Variants in IGSF10 observed in about 807,000 individuals in gnomAD.
The protein encoded by IGSF10 is calvaria mechanical force protein 608.
IGSF10 carries 126 observed loss-of-function variants against 128.2 expected under a neutral mutation model. The observed-to-expected ratio is 0.98, with a 90% CI of 0.85 to 1.14. The LOEUF is 1.14. Among genes scored for constraint, IGSF10 ranks in the 50% most tolerant of loss-of-function variants. The probability of loss-of-function intolerance (pLI) is 0.00; values close to 1 mark genes in which losing one functional copy is unlikely to be tolerated. For missense variants in IGSF10, 3,295 were observed against 3,149.8 expected (o/e 1.05, Z -1.10); for synonymous variants, 1,185 against 1,146.2 (o/e 1.03, Z -0.68).
chr3:151,472,733 G>A, the IGSF10 span, among the ~76,000 whole-genome samples: 1 of 152,134 alleles, frequency 6.6e-6, no homozygotes. Flanking sequence ...AATGCATTAT[G>A]CCAAAGTATA....
the IGSF10 span, among the ~76,000 whole-genome samples, chr3:151,536,229 C>A: frequency 6.6e-6 from 1 of 152,048 alleles, no homozygotes; most frequent in Admixed American, 6.6e-5. Flanking sequence ...CTGGATACTT[C>A]AAGAGGTCCC....
chr3:151,615,387 CTCT>C, the IGSF10 span, among the ~76,000 whole-genome samples: 7 of 151,908 alleles, frequency 4.6e-5, no homozygotes, highest in African/African-American at 1.7e-4. Flanking sequence ...TTTTAAATTT[CTCT>C]TATTACATAT....
In IGSF10 at chr3:151,443,182, G is replaced by GAA. The variant is rs752152190; in HGVS notation, c.5763_5764dup (p.Ser1922PhefsTer9). The GAA allele has an allele frequency of 6.2e-7, 1 of 1,614,066 alleles. No homozygotes were observed. Among genetic ancestry groups the GAA allele is most frequent in the Non-Finnish European group, 8.5e-7 (1 of 1,179,900 alleles). On this transcript the variant is annotated frameshift_variant, in exon 7 of 8. Coordinates refer to ENST00000282466, the MANE Select transcript of IGSF10 (RefSeq NM_178822.5). LOFTEE classifies it high-confidence loss of function. ...TACTACTCTTCGCTCCGAACCAGTGGAACTGGTAGCAATGCATTCATAAGT... is the reference window on the plus strand; with the variant it reads ...TACTACTCTTCGCTCCGAACCAGTGGAAAACTGGTAGCAATGCATTCATAAGT...
the IGSF10 span, among the ~76,000 whole-genome samples, chr3:151,581,033 A>T: frequency 6.6e-6 from 1 of 152,126 alleles, no homozygotes; most frequent in African/African-American, 2.4e-5. Context: ...AGAAAAAGCT[A>T]TTTTGTTGTA....
At chr3:151,574,175 G>A in the IGSF10 span, among the ~76,000 whole-genome samples, 1 of 152,166 alleles carries the variant, frequency 6.6e-6, no homozygotes, top group South Asian at 2.1e-4. Flanking sequence ...GAACCTTGTT[G>A]CACCTGACAA....
the IGSF10 span, among the ~76,000 whole-genome samples, chr3:151,580,106 G>C: frequency 6.6e-6 from 1 of 152,246 alleles, no homozygotes; most frequent in East Asian, 1.9e-4. Flanking sequence ...ACTGTGAGAG[G>C]CTGAGGTGGG....
rs1463479713 is a variant in IGSF10, at chr3:151,447,650, C to T, written c.2331G>A (p.Val777=). 3 of 1,613,990 alleles carry T rather than the reference C, an allele frequency of 1.9e-6. No homozygotes were observed. The highest frequency in any genetic ancestry group is 1.7e-5 in the Admixed American group (1 of 59,994). Residue 777 remains valine (V), a synonymous_variant, in exon 6 of 8, where the codon GTG becomes GTA. Transcript: ENST00000282466. Reference sequence around the variant, plus strand: ...GTTGGGTGACCACTGGGGGTGGGCTCACTGTGGTATTTTCTCGCTTGTCTG... The same window carrying T: ...GTTGGGTGACCACTGGGGGTGGGCTTACTGTGGTATTTTCTCGCTTGTCTG... ...AMPDKRENTT[V]SPPPVVTQLP...
the IGSF10 span, among the ~76,000 whole-genome samples, chr3:151,496,961 G>C: frequency 6.6e-6 from 1 of 152,056 alleles, no homozygotes; most frequent in Admixed American, 6.6e-5. Flanking sequence ...GTGTCTGTTG[G>C]CTGCATAAAT....
the IGSF10 span, among the ~76,000 whole-genome samples, chr3:151,540,077 C>T: frequency 2.0e-5 from 3 of 152,128 alleles, no homozygotes; most frequent in Non-Finnish European, 4.4e-5. Context: ...ATGAACAAAT[C>T]AGAAGCCTAT....
upstream of IGSF10, among the ~76,000 whole-genome samples, chr3:151,464,135 T>C (rs1314058933): frequency 1.3e-5 from 2 of 152,234 alleles, no homozygotes; most frequent in African/African-American, 2.4e-5. Flanking sequence ...TCTGAGTTAA[T>C]TGTCAATCTG....
the IGSF10 span, among the ~76,000 whole-genome samples, chr3:151,485,177 C>A: frequency 2.6e-5 from 4 of 151,580 alleles, no homozygotes; most frequent in Admixed American, 1.3e-4. Context: ...ATAGCCAAAT[C>A]GATCAAGTGG....
rs761837266 is a variant in IGSF10 at position 151,438,466 on chromosome 3, C to CT, written c.6094dup (p.Ser2032LysfsTer10). On this transcript the variant is annotated frameshift_variant, in exon 8 of 8. Coordinates refer to ENST00000282466, the MANE Select transcript of IGSF10 (RefSeq NM_178822.5). LOFTEE classifies it low-confidence loss of function (END_TRUNC). Reference sequence around the variant, plus strand: ...AATTTTGGCAGGTTTCAGTCTTAGGCTAACATGCATCAGTATCAGATCATC... The same window carrying CT: ...AATTTTGGCAGGTTTCAGTCTTAGGCTTAACATGCATCAGTATCAGATCATC... 5 of 1,614,014 alleles carry CT rather than the reference C, an allele frequency of 3.1e-6. No homozygotes were observed. The African/African-American group carries it at 6.7e-5, about 22-fold the overall frequency.
chr3:151,491,914 G>A, the IGSF10 span, among the ~76,000 whole-genome samples: 2 of 152,212 alleles, frequency 1.3e-5, no homozygotes, highest in Non-Finnish European at 2.9e-5. Flanking sequence ...AGCAAACCAA[G>A]TGTAAGAATA....
chr3:151,565,449 C>T, the IGSF10 span, among the ~76,000 whole-genome samples: 1 of 152,024 alleles, frequency 6.6e-6, no homozygotes, highest in African/African-American at 2.4e-5. Flanking sequence ...TACTGGCATC[C>T]TGGGAGCTCC....
chr3:151,562,005 C>T, the IGSF10 span, among the ~76,000 whole-genome samples: 2 of 152,160 alleles, frequency 1.3e-5, no homozygotes, highest in Non-Finnish European at 2.9e-5. Context: ...ACCAGAGCAA[C>T]TCCATCTTGA....
In IGSF10 at chr3:151,445,701, G is replaced by C; in HGVS notation, c.4280C>G (p.Ala1427Gly). The change falls in exon 6 of 8, where the codon GCA (alanine) becomes GGA (glycine). Residue 1427 changes from alanine (A) to glycine (G), a missense_variant. By Grantham distance (60) the Ala-to-Gly change is moderately conservative (BLOSUM62 0). Transcript: ENST00000282466. Reference protein sequence around the residue: ...LTDVIEELAQASTQTLKSTIA... With the variant: ...LTDVIEELAQGSTQTLKSTIA... ...TGTGCTCTTCAAAGTCTGAGTACTT[G>C]CTTGGGCTAGTTCTTCAATCACATC... The C allele has an allele frequency of 1.2e-6, 2 of 1,614,230 alleles. No individual in the cohort carries two copies. Among genetic ancestry groups the C allele is most frequent in the Non-Finnish European group, 1.7e-6 (2 of 1,180,042 alleles).
At chr3:151,544,951 T>C in the IGSF10 span, among the ~76,000 whole-genome samples, 3 of 152,184 alleles carry the variant, frequency 2.0e-5, no homozygotes, top group African/African-American at 7.2e-5. Flanking sequence ...AAATTTTCCA[T>C]CTGTCTCTTG....
chr3:151,512,291 C>A, the IGSF10 span, among the ~76,000 whole-genome samples: 3 of 152,014 alleles, frequency 2.0e-5, no homozygotes, highest in African/African-American at 4.8e-5. Context: ...TCAAACTAGA[C>A]CTCAGGATTA....
the IGSF10 span, among the ~76,000 whole-genome samples, chr3:151,618,052 C>T: frequency 2.0e-4 from 30 of 152,256 alleles, no homozygotes; most frequent in Admixed American, 3.9e-4. Flanking sequence ...TAAACCTAAT[C>T]CCCAGTGTGA....
Sources: allele counts gnomAD v4.1 joint callset (sites outside exome capture counted in the v4.1 genomes callset), GRCh38; gene constraint gnomAD v4.1.1; transcripts MANE v1.5; gene names NCBI Gene and HGNC (gene_info 2026-07-23, HGNC 2026-07-21).